Variants in CTR9 observed in about 807,000 individuals in gnomAD.
CTR9 encodes CTR9 component of Paf1/RNA polymerase II complex.
CTR9 carries 41 observed loss-of-function variants against 152.1 expected under a neutral mutation model. The ratio of observed to expected loss-of-function variants is 0.27; its 90% CI spans 0.21 to 0.35. CTR9 has a LOEUF of 0.35. CTR9 is among the 10% of genes least tolerant of loss of function. The probability of loss-of-function intolerance (pLI) is 1.00; values close to 1 mark genes in which losing one functional copy is unlikely to be tolerated. For missense variants in CTR9, 917 were observed against 1,424.4 expected (o/e 0.64, Z 5.73); for synonymous variants, 476 against 496.2 (o/e 0.96, Z 0.54).
chr11:10,777,362 C>T (rs980068337), intron 24 of CTR9, among the ~76,000 whole-genome samples: 1 of 151,912 alleles, frequency 6.6e-6, no homozygotes, highest in South Asian at 2.1e-4. Flanking sequence ...TGAGACTAGC[C>T]TGGGCAGCAA....
chr11:10,774,582 G>T lies in CTR9; in HGVS notation c.2885+413G>T, dbSNP rs116199917. Among the ~76,000 whole-genome samples the T allele has an allele frequency of 5.4e-3, 822 of 152,332 alleles. 8 individuals carry two copies. The highest frequency in any genetic ancestry group is 0.019 in the African/African-American group (796 of 41,566). The stretch of plus-strand genomic sequence containing the variant: ...ATGGTTTTTGCTCAATGCATAAGAT[G>T]TGAATGTGTGTAAAAGTGCCTTTAA... On this transcript the variant is annotated intron_variant, in intron 22 of 24. Coordinates refer to ENST00000361367, the MANE Select transcript of CTR9 (RefSeq NM_014633.5).
At chr11:10,770,868 G>A (rs1214853988) in intron 18 of CTR9, among the ~76,000 whole-genome samples, 1 of 152,178 alleles carries the variant, frequency 6.6e-6, no homozygotes, top group Non-Finnish European at 1.5e-5. Flanking sequence ...TGCCAGATTT[G>A]GATCTTGTAG....
chr11:10,765,544 C>G (rs1248767890), intron 12 of CTR9, among the ~76,000 whole-genome samples: 4 of 152,162 alleles, frequency 2.6e-5, no homozygotes, highest in Non-Finnish European at 5.9e-5. Flanking sequence ...TCACTGCAAC[C>G]TCTGCCTCCC....
intron 16 of CTR9, among the ~76,000 whole-genome samples, 174 bp downstream of exon 16, chr11:10,768,665 G>A (rs1863096776): frequency 6.6e-6 from 1 of 152,220 alleles, no homozygotes; most frequent in Non-Finnish European, 1.5e-5. Context: ...AGACAGAGAT[G>A]TGAGTCCTGG....
In CTR9 at chr11:10,778,668, A is replaced by G. The variant is rs1032867307; in HGVS notation, c.3096-11A>G. On this transcript the variant is annotated splice_polypyrimidine_tract_variant and intron_variant, in intron 24 of 24. Transcript: ENST00000361367. ...AATCCTCAGCTTCTAACCAATGATC[A>G]TCTTTGCCAGACATCCCAGGAACAG... 16 of 1,603,900 alleles carry G rather than the reference A, an allele frequency of 1.0e-5. No homozygotes were observed. The African/African-American group carries it at 1.3e-4, about 13-fold the overall frequency.
chr11:10,770,600 T>C lies in CTR9; in HGVS notation c.2340T>C (p.Leu780=). 6.2e-7 allele frequency: 1 copy of C among 1,612,390 alleles called. No individual in the cohort carries two copies. Among genetic ancestry groups the C allele is most frequent in the Non-Finnish European group, 8.5e-7 (1 of 1,179,652 alleles). ...KDEKSNLKEV[L]NAVKELELAH... ...AAAAAAGTAATCTGAAGGAAGTACT[T>C]AATGCTGTGAAAGAACTGGAGCTTG... The change falls in exon 18 of 25, where the codon CTT becomes CTC. Residue 780 remains leucine, a synonymous_variant. Coordinates refer to ENST00000361367, the MANE Select transcript of CTR9 (RefSeq NM_014633.5).
intron 17 of CTR9, 69 bp downstream of exon 17, chr11:10,770,395 G>T (rs115427194): frequency 6.4e-7 from 1 of 1,568,420 alleles, no homozygotes; most frequent in African/African-American, 1.4e-5. Context: ...TTCGTGATGC[G>T]TGTTCACATA....
chr11:10,763,509 T>C lies in CTR9; in HGVS notation c.928T>C (p.Tyr310His), dbSNP rs1398286432. Reference protein sequence around the residue: ...EVEAMQAESCYQLARSFHVQE... With the variant: ...EVEAMQAESCHQLARSFHVQE... ...GGAAGCTATGCAAGCAGAGAGCTGC[T>C]ATCAGCTAGCTAGATCATTCCATGT... The change falls in exon 8 of 25, where the codon TAT becomes CAT. Residue 310 changes from tyrosine to histidine, a missense_variant. Transcript: ENST00000361367. 6.2e-7 allele frequency: 1 copy of C among 1,611,288 alleles called. No individual in the cohort carries two copies. Among genetic ancestry groups the C allele is most frequent in the South Asian group, 1.1e-5 (1 of 90,692 alleles).
intron 7 of CTR9, 42 bp downstream of exon 7, chr11:10,762,096 G>C (rs768620591): frequency 8.9e-7 from 1 of 1,120,110 alleles, no homozygotes; most frequent in Non-Finnish European, 1.3e-6. Context: ...TTGTTTTTCT[G>C]TACTGCAATT....
rs1212684235 is a variant in CTR9 at position 10,767,264 on chromosome 11, G to C, written c.1687-542G>C. 2 of 153,286 alleles carry C rather than the reference G, an allele frequency of 1.3e-5. No homozygotes were observed. Among genetic ancestry groups the C allele is most frequent in the Non-Finnish European group, 2.9e-5 (2 of 68,550 alleles). The allele number at this position is 153,286 out of a possible 1,614,324, so 9.5% of individuals were successfully genotyped here. A position where few individuals can be genotyped will look rare whatever the true frequency, so the allele number is the denominator to read the frequency against. ...GAATCCCATGCTTGCTCATGCCTAA[G>C]GGTATTTGCAATACCAAATATAGTT... On this transcript the variant is annotated intron_variant, in intron 13 of 24. Coordinates refer to ENST00000361367, the MANE Select transcript of CTR9 (RefSeq NM_014633.5). This position sits in a 1 kb window ranked among gnomAD's most constrained non-coding sequence, Gnocchi z 4.0.
In CTR9 at chr11:10,767,707, A is replaced by G; in HGVS notation, c.1687-99A>G. Reference sequence around the variant, plus strand: ...AGAAAGAAAACCACTGTTGTAATATAGTTTGTAAACCTCTTCAGTAATCAG... The same window carrying G: ...AGAAAGAAAACCACTGTTGTAATATGGTTTGTAAACCTCTTCAGTAATCAG... On this transcript the variant is annotated intron_variant, in intron 13 of 24. Transcript: ENST00000361367. The surrounding 1 kb of genome is among the most constrained non-coding windows in gnomAD (Gnocchi z 4.0). 9.7e-7 allele frequency: 1 copy of G among 1,031,014 alleles called. No homozygotes were observed. The highest frequency in any genetic ancestry group is 1.4e-6 in the Non-Finnish European group (1 of 693,882). 63.9% of individuals were successfully genotyped at this position (1,031,014 alleles called of 1,614,324 possible).
At chr11:10,775,914 T>C (rs1863226963) in intron 24 of CTR9, among the ~76,000 whole-genome samples, 3 of 152,154 alleles carry the variant, frequency 2.0e-5, no homozygotes, top group African/African-American at 7.2e-5. Flanking sequence ...AGAAAAGCTT[T>C]TTTGAAGTCT....
At chr11:10,761,925 T>G (rs912740542) in intron 6 of CTR9, 22 bp from the exon 7 acceptor site, 1 of 1,489,974 alleles carries the variant, frequency 6.7e-7, no homozygotes, top group South Asian at 1.2e-5. Context: ...TCACTCCACC[T>G]TGTTGCAATG....
chr11:10,763,360 A>C, intron 7 of CTR9, 71 bp from the exon 8 acceptor site: 1 of 970,354 alleles, frequency 1.0e-6, no homozygotes, highest in East Asian at 2.4e-5. Flanking sequence ...ACGAAGTGTT[A>C]GTCTAAGATA....
intron 5 of CTR9, 75 bp from the exon 6 acceptor site, chr11:10,760,094 TAGAG>T: frequency 6.6e-7 from 1 of 1,514,586 alleles, no homozygotes; most frequent in East Asian, 2.3e-5. Flanking sequence ...AACTCATAAA[TAGAG>T]AATGTTTAAG....
chr11:10,751,914 G>T (rs1564963629), intron 1 of CTR9, among the ~76,000 whole-genome samples: 3 of 151,990 alleles, frequency 2.0e-5, no homozygotes, highest in Non-Finnish European at 4.4e-5. Flanking sequence ...CTGTCATGGT[G>T]CGCTGTGTTC....
At position 10,767,675 on chromosome 11, in the gene CTR9, AAAG is replaced by A; in HGVS notation, c.1687-128_1687-126del. The A allele has an allele frequency of 1.2e-6, 1 of 801,666 alleles. No individual in the cohort carries two copies. The highest frequency in any genetic ancestry group is 2.0e-6 in the Non-Finnish European group (1 of 508,660). 49.7% of individuals were successfully genotyped at this position (801,666 alleles called of 1,614,324 possible). A position where few individuals can be genotyped will look rare whatever the true frequency, so the allele number is the denominator to read the frequency against. On this transcript the variant is annotated intron_variant, in intron 13 of 24. Transcript: ENST00000361367. The surrounding 1 kb of genome is among the most constrained non-coding windows in gnomAD (Gnocchi z 4.0). ...TTGCCATGCAAAAAAAAAAAGAAAGAAAGAAAAGAAAGAAAACCACTGTTGTAA... is the reference window on the plus strand; with the variant it reads ...TTGCCATGCAAAAAAAAAAAGAAAGAAAAAGAAAGAAAACCACTGTTGTAA...
Position 10,778,834 on chromosome 11 carries a change from A to T in CTR9, c.3251A>T (p.Asp1084Val). The T allele has an allele frequency of 6.2e-7, 1 of 1,614,204 alleles. No individual in the cohort carries two copies. The part of the protein sequence containing the change: ...RRPRRQRSDQ[D>V]SDSDQPSRKR... ...CCACGAAGACAGCGGTCAGATCAGG[A>T]CTCAGACAGTGACCAGCCATCCAGA... The change falls in exon 25 of 25, where the codon GAC becomes GTC. Residue 1084 changes from aspartate (D) to valine (V), a missense_variant. Asp to Val is a radical substitution (Grantham distance 152). Coordinates refer to ENST00000361367, the MANE Select transcript of CTR9 (RefSeq NM_014633.5).
At chr11:10,756,627 T>C (rs1862888409) in intron 4 of CTR9, 122 bp from the exon 5 acceptor site, 2 of 606,360 alleles carry the variant, frequency 3.3e-6, no homozygotes, top group Admixed American at 3.5e-5. Flanking sequence ...TATGAAATTT[T>C]GTTCTGTGTT....
Sources: allele counts gnomAD v4.1 joint callset (sites outside exome capture counted in the v4.1 genomes callset), GRCh38; gene constraint gnomAD v4.1.1; non-coding constraint Gnocchi (gnomAD v3.1); transcripts MANE v1.5; gene names NCBI Gene and HGNC (gene_info 2026-07-23, HGNC 2026-07-21).